Variants in ACSS3 observed in about 807,000 individuals in gnomAD.
ACSS3 encodes the protein acyl-CoA synthetase short-chain family member 3, mitochondrial.
Under a neutral mutation model 84.2 loss-of-function variants are expected in ACSS3, and 64 were observed. The ratio of observed to expected loss-of-function variants is 0.76; its 90% CI spans 0.62 to 0.94. The LOEUF (loss-of-function observed/expected upper bound fraction) is 0.94. Ranked by LOEUF, ACSS3 falls within the 40% of genes least tolerant of loss-of-function variation. The pLI is 0.00. For missense variants in ACSS3, 815 were observed against 867.6 expected, an observed-to-expected ratio of 0.94 and a Z score of 0.76; for synonymous variants, 317 against 310.1, an observed-to-expected ratio of 1.02 and a Z score of -0.23.
At chr12:81,179,861 T>C (rs527811983) in intron 8 of ACSS3, among the ~76,000 whole-genome samples, 1 of 152,122 alleles carries the variant, frequency 6.6e-6, no homozygotes, top group East Asian at 1.9e-4. Context: ...GACTAGGTCA[T>C]TTATAAAGAG....
intron 9 of ACSS3, among the ~76,000 whole-genome samples, chr12:81,201,523 C>T (rs2032109195): frequency 6.6e-6 from 1 of 152,174 alleles, no homozygotes; most frequent in Non-Finnish European, 1.5e-5. Context: ...CAAAAAAGGT[C>T]ACTGAAGCCT....
intron 8 of ACSS3, among the ~76,000 whole-genome samples, chr12:81,185,738 G>A (rs1194138111): frequency 6.6e-6 from 1 of 151,768 alleles, no homozygotes; most frequent in Non-Finnish European, 1.5e-5. Flanking sequence ...ATAGCCCATT[G>A]CTCATGGATT....
chr12:81,208,333 C>T lies in ACSS3; in HGVS notation c.1355-8568C>T, dbSNP rs139993291. Among the ~76,000 whole-genome samples, 27 of 152,230 alleles carry T rather than the reference C, an allele frequency of 1.8e-4. 1 individual carries two copies. Among genetic ancestry groups the T allele is most frequent in the African/African-American group, 5.3e-4 (22 of 41,550 alleles). ...CAGAATGGCAGATTGCCAGATGCAG[C>T]GGGAGCTCTGATTTATAGAGCTGGA... is the stretch of plus-strand genomic sequence containing the variant. On this transcript the variant is annotated intron_variant, in intron 9 of 15. Coordinates refer to ENST00000548058, the MANE Select transcript of ACSS3 (RefSeq NM_024560.4).
intron 9 of ACSS3, chr12:81,199,682 TTATC>T (rs1268302834): frequency 7.0e-7 from 1 of 1,429,700 alleles, no homozygotes; most frequent in East Asian, 3.2e-5. Context: ...AAAGACCTCT[TTATC>T]TTCTCTTCTT....
chr12:81,105,798 C>T (rs535360540), intron 1 of ACSS3, among the ~76,000 whole-genome samples: 17 of 152,238 alleles, frequency 1.1e-4, no homozygotes, highest in Non-Finnish European at 5.9e-5. Flanking sequence ...TCTCTGCATT[C>T]AGGTAGATTA....
chr12:81,159,378 A>G (rs911422171), intron 7 of ACSS3, among the ~76,000 whole-genome samples: 2 of 152,042 alleles, frequency 1.3e-5, no homozygotes, highest in African/African-American at 4.8e-5. Context: ...CAAATAATAA[A>G]GGAATAAGTC....
At chr12:81,214,344 A>G (rs562309492) in intron 9 of ACSS3, among the ~76,000 whole-genome samples, 1 of 152,174 alleles carries the variant, frequency 6.6e-6, no homozygotes, top group East Asian at 1.9e-4. Context: ...TTCTTTTTCT[A>G]ATCCTTTGAA....
chr12:81,129,797 C>T (rs1593103116), intron 2 of ACSS3, among the ~76,000 whole-genome samples: 1 of 129,068 alleles, frequency 7.7e-6, no homozygotes, highest in East Asian at 2.8e-4. Context: ...CATGATAGGC[C>T]CCCGTGTGTG....
At chr12:81,201,933 A>G (rs952033697) in intron 9 of ACSS3, among the ~76,000 whole-genome samples, 2 of 152,174 alleles carry the variant, frequency 1.3e-5, no homozygotes, top group African/African-American at 2.4e-5. Context: ...TTTGCATAGA[A>G]AAAAATCAAT....
chr12:81,177,532 C>T, intron 8 of ACSS3, among the ~76,000 whole-genome samples: 1 of 152,060 alleles, frequency 6.6e-6, no homozygotes, highest in Non-Finnish European at 1.5e-5. Context: ...AGGCAACCCA[C>T]AAAATGGGAG....
chr12:81,134,693 G>T, intron 2 of ACSS3, 123 bp from the exon 3 acceptor site: 1 of 712,142 alleles, frequency 1.4e-6, no homozygotes, highest in Non-Finnish European at 2.0e-6. Context: ...TCAAATATGT[G>T]TTACTTAGGC....
intron 2 of ACSS3, among the ~76,000 whole-genome samples, chr12:81,131,040 A>G (rs1885463912): frequency 6.6e-6 from 1 of 152,190 alleles, no homozygotes; most frequent in Non-Finnish European, 1.5e-5. Flanking sequence ...GCCTTGTAGT[A>G]TAGTTTGAAG....
At chr12:81,243,622 A>G (rs1461844122) in intron 13 of ACSS3, among the ~76,000 whole-genome samples, 1 of 152,246 alleles carries the variant, frequency 6.6e-6, no homozygotes, top group Non-Finnish European at 1.5e-5. Context: ...CTACAAGGCT[A>G]CAGTAACCAA....
At chr12:81,184,112 G>A (rs2031109598) in intron 8 of ACSS3, among the ~76,000 whole-genome samples, 1 of 151,938 alleles carries the variant, frequency 6.6e-6, no homozygotes, top group Non-Finnish European at 1.5e-5. Context: ...ACAATGATAT[G>A]AAACTATAAG....
chr12:81,195,576 T>C (rs533545351), intron 8 of ACSS3, among the ~76,000 whole-genome samples: 2 of 152,186 alleles, frequency 1.3e-5, no homozygotes, highest in South Asian at 4.1e-4. Flanking sequence ...GATATGTAAT[T>C]TGTCAAAAAA....
At chr12:81,131,869 C>A (rs1885527219) in intron 2 of ACSS3, among the ~76,000 whole-genome samples, 1 of 152,156 alleles carries the variant, frequency 6.6e-6, no homozygotes, top group African/African-American at 2.4e-5. Context: ...GCCTTTTTTG[C>A]ATCTACTGAG....
intron 3 of ACSS3, among the ~76,000 whole-genome samples, chr12:81,137,358 C>T (rs1164846825): frequency 3.4e-5 from 5 of 147,870 alleles, no homozygotes; most frequent in Non-Finnish European, 6.0e-5. Context: ...CACACACACA[C>T]ACACACCCCT....
intron 5 of ACSS3, among the ~76,000 whole-genome samples, chr12:81,146,702 G>T (rs1886357616): frequency 6.6e-6 from 1 of 152,092 alleles, no homozygotes; most frequent in Admixed American, 6.5e-5. Context: ...TTTGTTGTGG[G>T]CTTCTATTCT....
At chr12:81,213,682 A>C (rs1345370405) in intron 9 of ACSS3, among the ~76,000 whole-genome samples, 4 of 19,674 alleles carry the variant, frequency 2.0e-4, no homozygotes, top group African/African-American at 4.4e-4. Flanking sequence ...TTCCCTCCCC[A>C]CCCACCTCTG....
Sources: allele counts gnomAD v4.1 joint callset (sites outside exome capture counted in the v4.1 genomes callset), GRCh38; gene constraint gnomAD v4.1.1; transcripts MANE v1.5; gene names NCBI Gene and HGNC (gene_info 2026-07-23, HGNC 2026-07-21).